The following AGAP1 variants were observed in gnomAD, a reference collection of about 807,000 sequenced individuals.
AGAP1 encodes ArfGAP with GTPase domain, ankyrin repeat and PH domain 1.
AGAP1 carries 29 observed loss-of-function variants against 105.3 expected under a neutral mutation model. The ratio of observed to expected loss-of-function variants is 0.28; its 90% CI spans 0.21 to 0.38. AGAP1 has a LOEUF of 0.38. Ranked by LOEUF, AGAP1 falls within the 10% of genes least tolerant of loss-of-function variation. The probability of loss-of-function intolerance (pLI) is 1.00; values close to 1 mark genes in which losing one functional copy is unlikely to be tolerated. For synonymous variants in AGAP1, 509 were observed against 485.9 expected, an observed-to-expected ratio of 1.05 and a Z score of -0.63; for missense variants, 998 against 1,165.1, an observed-to-expected ratio of 0.86 and a Z score of 2.09.
Position 236,020,493 on chromosome 2 carries a change from G to C in AGAP1, c.1646-16068G>C, listed in dbSNP as rs910360706. 1.3e-5 allele frequency among the ~76,000 whole-genome samples: 2 copies of C among 152,210 alleles called. No homozygotes were observed. Among genetic ancestry groups the C allele is most frequent in the African/African-American group, 4.8e-5 (2 of 41,446 alleles). ...TGTAGAAATTTGGCTAAAAGCGTGAGCTGTGGAGTCACACACGCCTGGGTC... is the reference window on the plus strand; with the variant it reads ...TGTAGAAATTTGGCTAAAAGCGTGACCTGTGGAGTCACACACGCCTGGGTC... On this transcript the variant is annotated intron_variant, in intron 13 of 17. Coordinates refer to ENST00000304032, the MANE Select transcript of AGAP1 (RefSeq NM_001037131.3). The surrounding 1 kb of genome is among the most constrained non-coding windows in gnomAD (Gnocchi z 5.0).
chr2:235,925,136 C>T (rs998346046), intron 11 of AGAP1, among the ~76,000 whole-genome samples: 5 of 152,132 alleles, frequency 3.3e-5, no homozygotes, highest in Admixed American at 2.0e-4. Flanking sequence ...CCTCGGCTTC[C>T]GGGGTAGAAG....
chr2:235,563,730 C>T (rs1402309841), intron 1 of AGAP1, among the ~76,000 whole-genome samples: 2 of 152,054 alleles, frequency 1.3e-5, no homozygotes, highest in African/African-American at 4.8e-5. Context: ...TGGGAAGGGG[C>T]CTCTGCATGG....
intron 1 of AGAP1, among the ~76,000 whole-genome samples, chr2:235,500,753 G>A (rs906459934): frequency 1.3e-5 from 2 of 152,150 alleles, no homozygotes; most frequent in Non-Finnish European, 1.5e-5. Context: ...GGCCTGTCGT[G>A]CCAGACCCCT....
chr2:236,068,589 A>G (rs2058410868), intron 16 of AGAP1, among the ~76,000 whole-genome samples: 1 of 151,812 alleles, frequency 6.6e-6, no homozygotes, highest in Non-Finnish European at 1.5e-5. Flanking sequence ...TCACGAGGTC[A>G]GGAGATCGAG....
Position 235,509,391 on chromosome 2 carries a change from C to T in AGAP1, c.163+14542C>T, listed in dbSNP as rs553479139. Among the ~76,000 whole-genome samples the T allele has an allele frequency of 6.7e-4, 102 of 152,104 alleles. 1 individual carries two copies. Among genetic ancestry groups the T allele is most frequent in the African/African-American group, 2.1e-3 (89 of 41,502 alleles). ...CTGGGATTACAGACATCCACAACCA[C>T]GCCCGGCTAATTTTTGTATTTTTAG... is the stretch of plus-strand genomic sequence containing the variant. On this transcript the variant is annotated intron_variant, in intron 1 of 17. Coordinates refer to ENST00000304032, the MANE Select transcript of AGAP1 (RefSeq NM_001037131.3).
intron 6 of AGAP1, among the ~76,000 whole-genome samples, chr2:235,771,997 A>ATTTTTTTTTTTT (rs1553627860): frequency 7.6e-6 from 1 of 131,666 alleles, no homozygotes; most frequent in Non-Finnish European, 1.6e-5. Context: ...TTCTTTTCTT[A>ATTTTTTTTTTTT]TCTTTTTTTT....
In AGAP1 at chr2:235,549,877, C is replaced by T. The variant is rs1865946; in HGVS notation, c.163+55028C>T. ...GATTAGTGGAGTGAGTGGGAGGACTCGCCCTGCGCAGGTGGAGGGTGATGA... is the reference window on the plus strand; with the variant it reads ...GATTAGTGGAGTGAGTGGGAGGACTTGCCCTGCGCAGGTGGAGGGTGATGA... On this transcript the variant is annotated intron_variant, in intron 1 of 17. Transcript: ENST00000304032. This position sits in a 1 kb window ranked among gnomAD's most constrained non-coding sequence, Gnocchi z 4.2. Among the ~76,000 whole-genome samples, 8,666 of 152,132 alleles carry T rather than the reference C, an allele frequency of 0.057. 760 individuals are homozygous for T. The highest frequency in any genetic ancestry group is 0.19 in the African/African-American group (7,916 of 41,464).
chr2:236,107,667 T>C (rs2059533936), intron 16 of AGAP1, among the ~76,000 whole-genome samples: 1 of 152,132 alleles, frequency 6.6e-6, no homozygotes, highest in Non-Finnish European at 1.5e-5. Context: ...GCCCTCCCCT[T>C]GCCTCAATCC....
At chr2:235,695,962 G>A (rs919236644) in intron 1 of AGAP1, among the ~76,000 whole-genome samples, 2 of 152,148 alleles carry the variant, frequency 1.3e-5, no homozygotes, top group African/African-American at 2.4e-5. Flanking sequence ...GAGAACAGAG[G>A]AGGGCCGAGG....
intron 1 of AGAP1, among the ~76,000 whole-genome samples, chr2:235,580,621 G>T (rs1182206409): frequency 6.6e-6 from 1 of 152,178 alleles, no homozygotes; most frequent in Admixed American, 6.5e-5. Flanking sequence ...TCATGTACAG[G>T]AGTTCTTGAA....
rs564850692 is a variant in AGAP1 at position 235,887,077 on chromosome 2, G to C, written c.1155+3628G>C. The stretch of plus-strand genomic sequence containing the variant: ...AGTTCAGGTCCCAAAATTTTACACC[G>C]TGAGAGTGACCCAGTTATCTCAGTC... On this transcript the variant is annotated intron_variant, in intron 10 of 17. Transcript: ENST00000304032. This position sits in a 1 kb window ranked among gnomAD's most constrained non-coding sequence, Gnocchi z 4.1. Among the ~76,000 whole-genome samples the C allele has an allele frequency of 6.6e-6, 1 of 152,156 alleles. No homozygotes were observed.
intron 1 of AGAP1, among the ~76,000 whole-genome samples, chr2:235,675,099 A>G (rs1345031359): frequency 6.6e-6 from 1 of 152,040 alleles, no homozygotes; most frequent in Non-Finnish European, 1.5e-5. Flanking sequence ...AATGAAATAA[A>G]ATTACTGAAA....
Position 235,976,398 on chromosome 2 carries a change from G to T in AGAP1, c.1645+7775G>T, listed in dbSNP as rs772695944. Among the ~76,000 whole-genome samples the T allele has an allele frequency of 6.6e-6, 1 of 152,130 alleles. No homozygotes were observed. The highest frequency in any genetic ancestry group is 1.5e-5 in the Non-Finnish European group (1 of 68,036). ...CCACAAACACACACAAGCAGTAAGC[G>T]CTCTCAGATCCTTTGTGGAAGCCAG... On this transcript the variant is annotated intron_variant, in intron 13 of 17. Transcript: ENST00000304032. The surrounding 1 kb of genome is among the most constrained non-coding windows in gnomAD (Gnocchi z 4.5).
In AGAP1 at chr2:235,751,669, C is replaced by T. The variant is rs751166159; in HGVS notation, c.673+1181C>T. ...AGATGACATCAGTTCTCAAACTTCA[C>T]ATTTTCTTTCCTGGAGCAGTGAGGT... On this transcript the variant is annotated intron_variant, in intron 6 of 17. Transcript: ENST00000304032. The surrounding 1 kb of genome is among the most constrained non-coding windows in gnomAD (Gnocchi z 5.3). 6.6e-6 allele frequency among the ~76,000 whole-genome samples: 1 copy of T among 152,224 alleles called. No homozygotes were observed. The highest frequency in any genetic ancestry group is 1.9e-4 in the East Asian group (1 of 5,196).
rs1951498975 is a variant in AGAP1, at chr2:235,723,631, G to A, written c.310+5987G>A. On this transcript the variant is annotated intron_variant, in intron 3 of 17. Coordinates refer to ENST00000304032, the MANE Select transcript of AGAP1 (RefSeq NM_001037131.3). This position sits in a 1 kb window ranked among gnomAD's most constrained non-coding sequence, Gnocchi z 6.2. ...GTGCAGGTTAGCTTGTGTGCCAGAA[G>A]GACCTGAGGACCAGAAAAGCTGAAA... 6.6e-6 allele frequency among the ~76,000 whole-genome samples: 1 copy of A among 152,218 alleles called. No homozygotes were observed. Among genetic ancestry groups the A allele is most frequent in the African/African-American group, 2.4e-5 (1 of 41,470 alleles).
At chr2:235,558,399 T>G (rs538427536) in intron 1 of AGAP1, among the ~76,000 whole-genome samples, 1 of 152,146 alleles carries the variant, frequency 6.6e-6, no homozygotes, top group African/African-American at 2.4e-5. Flanking sequence ...CTGGGAGATA[T>G]GTGTATGATT....
At chr2:236,071,023 T>C (rs903482809) in intron 16 of AGAP1, among the ~76,000 whole-genome samples, 1 of 152,168 alleles carries the variant, frequency 6.6e-6, no homozygotes, top group African/African-American at 2.4e-5. Context: ...AAAGAGAGCA[T>C]GTTCTGAGTT....
intron 12 of AGAP1, among the ~76,000 whole-genome samples, chr2:235,955,445 A>G (rs1265824082): frequency 6.6e-6 from 1 of 152,172 alleles, no homozygotes; most frequent in East Asian, 1.9e-4. Flanking sequence ...ACGAATGCTC[A>G]TGTTCATGAG....
rs1956751667 is a variant in AGAP1, at chr2:235,787,982, A to G, written c.674-9777A>G. ...TAAGACCAAGAGCATGACCATGAAC[A>G]TTCTGGGACCAAGAGTTTGACCAAG... On this transcript the variant is annotated intron_variant, in intron 6 of 17. Transcript: ENST00000304032. The surrounding 1 kb of genome is among the most constrained non-coding windows in gnomAD (Gnocchi z 4.4). Among the ~76,000 whole-genome samples the G allele has an allele frequency of 6.6e-6, 1 of 152,216 alleles. No individual in the cohort carries two copies. Among genetic ancestry groups the G allele is most frequent in the African/African-American group, 2.4e-5 (1 of 41,458 alleles).
Sources: gnomAD v4.1 joint callset for allele counts (sites outside exome capture counted in the v4.1 genomes callset) on GRCh38, gnomAD v4.1.1 for gene constraint, Gnocchi (gnomAD v3.1) non-coding constraint, MANE v1.5 for transcripts, NCBI Gene and HGNC (gene_info 2026-07-23, HGNC 2026-07-21) for gene names.